Variants in NRG4 observed in about 807,000 individuals in gnomAD.
NRG4 encodes the protein pro-neuregulin-4, membrane-bound isoform.
A neutral mutation model predicts 15.0 loss-of-function variants in NRG4; 10 were observed. That is an observed-to-expected ratio of 0.67 (90% CI 0.41 to 1.13). The LOEUF (loss-of-function observed/expected upper bound fraction) is 1.13, where lower values mean the gene tolerates loss of function less well. Ranked by LOEUF, NRG4 falls within the 50% of genes most tolerant of loss-of-function variation. NRG4 has a pLI of 0.00. For missense variants in NRG4, 139 were observed against 140.2 expected (o/e 0.99, Z 0.04); for synonymous variants, 41 against 50.1 (o/e 0.82, Z 0.77).
Position 75,952,432 on chromosome 15 carries a change from G to A in NRG4, c.331+3500C>T, listed in dbSNP as rs80133534. Among the ~76,000 whole-genome samples, 1,158 of 152,102 alleles carry A rather than the reference G, an allele frequency of 7.6e-3. 13 individuals carry two copies. The highest frequency in any genetic ancestry group is 0.026 in the African/African-American group (1,089 of 41,474). On this transcript the variant is annotated intron_variant, in intron 5 of 5. Coordinates refer to ENST00000394907, the MANE Select transcript of NRG4 (RefSeq NM_138573.4). Reference sequence around the variant, plus strand: ...TACTACTTAATTTCTATTTCCTGCCGAATAATATTCCATAGTAGGAATATA... The same window carrying A: ...TACTACTTAATTTCTATTTCCTGCCAAATAATATTCCATAGTAGGAATATA...
chr15:76,021,191 G>A (rs932699952), intron 5 of NRG4, among the ~76,000 whole-genome samples: 1 of 152,160 alleles, frequency 6.6e-6, no homozygotes, highest in Non-Finnish European at 1.5e-5. Context: ...TGTATAAACA[G>A]AACAACAAAG....
At chr15:75,989,578 G>T (rs565105351) in intron 3 of NRG4, among the ~76,000 whole-genome samples, 1 of 151,480 alleles carries the variant, frequency 6.6e-6, no homozygotes, top group Non-Finnish European at 1.5e-5. Flanking sequence ...TTTATTCTGC[G>T]GTATCTAATT....
chr15:76,054,035 T>A (rs1185725254), intron 2 of NRG4, among the ~76,000 whole-genome samples: 2 of 150,826 alleles, frequency 1.3e-5, no homozygotes, highest in Non-Finnish European at 2.9e-5. Context: ...TGAATACCAT[T>A]CACGTGGTGA....
At chr15:75,970,915 C>T (rs2033062352) in intron 3 of NRG4, among the ~76,000 whole-genome samples, 2 of 152,170 alleles carry the variant, frequency 1.3e-5, no homozygotes, top group Non-Finnish European at 2.9e-5. Context: ...CTGGATTGTT[C>T]TCCAGAGAAA....
chr15:76,041,568 C>CTA (rs2035739562), intron 4 of NRG4, among the ~76,000 whole-genome samples: 1 of 152,022 alleles, frequency 6.6e-6, no homozygotes, highest in Non-Finnish European at 1.5e-5. Context: ...ATGACAAAAA[C>CTA]TTTTAAGAAG....
intron 3 of NRG4, among the ~76,000 whole-genome samples, chr15:75,974,291 T>C (rs1033464291): frequency 2.0e-5 from 3 of 152,220 alleles, no homozygotes; most frequent in African/African-American, 7.2e-5. Context: ...AGTCTATCTA[T>C]TTTGTTAATC....
chr15:75,947,454 A>G (rs1263086748), intron 5 of NRG4, among the ~76,000 whole-genome samples: 1 of 152,140 alleles, frequency 6.6e-6, no homozygotes, highest in Admixed American at 6.5e-5. Flanking sequence ...TGTCCTGTCT[A>G]TTCTGCACCT....
rs143650833 is a variant in NRG4, at chr15:75,988,248, C to T, written c.104+20952G>A. Among the ~76,000 whole-genome samples, 729 of 152,136 alleles carry T rather than the reference C, an allele frequency of 4.8e-3. 12 individuals carry two copies. Among genetic ancestry groups the T allele is most frequent in the African/African-American group, 0.016 (676 of 41,492 alleles). On this transcript the variant is annotated intron_variant, in intron 3 of 5. Transcript: ENST00000394907. The stretch of plus-strand genomic sequence containing the variant: ...TCACCCAGGCTGGAGTGCAGTGGCG[C>T]GATCTCGGCTCACTGCAACCTCCAC...
intron 4 of NRG4, among the ~76,000 whole-genome samples, chr15:75,959,718 C>T (rs1355250173): frequency 6.6e-6 from 1 of 152,060 alleles, no homozygotes; most frequent in Non-Finnish European, 1.5e-5. Flanking sequence ...CCAGGCTGGT[C>T]TCAAACTCCT....
At chr15:75,967,538 TGCAACC>T (rs1414972715) in intron 3 of NRG4, among the ~76,000 whole-genome samples, 1 of 142,446 alleles carries the variant, frequency 7.0e-6, no homozygotes, top group African/African-American at 2.6e-5. Flanking sequence ...CTCAGCTCAC[TGCAACC>T]TCTGCCTTCT....
chr15:76,054,853 C>T (rs2036115637), intron 2 of NRG4, among the ~76,000 whole-genome samples: 1 of 152,134 alleles, frequency 6.6e-6, no homozygotes, highest in African/African-American at 2.4e-5. Flanking sequence ...AACACATATG[C>T]CAATGTACTG....
chr15:76,016,614 C>T (rs2034987822), upstream of NRG4, among the ~76,000 whole-genome samples: 1 of 152,162 alleles, frequency 6.6e-6, no homozygotes, highest in East Asian at 1.9e-4. Context: ...CACTCAAGAG[C>T]AGGTTGTTCA....
At chr15:75,988,631 A>G (rs1033699463) in intron 3 of NRG4, among the ~76,000 whole-genome samples, 1 of 152,156 alleles carries the variant, frequency 6.6e-6, no homozygotes, top group African/African-American at 2.4e-5. Context: ...TTTATATTCT[A>G]CATGTCACAC....
chr15:75,961,291 TC>T (rs2032506348), intron 4 of NRG4, among the ~76,000 whole-genome samples: 1 of 152,024 alleles, frequency 6.6e-6, no homozygotes, highest in African/African-American at 2.4e-5. Context: ...TTTTTTTTTG[TC>T]TCTCTTGTGA....
chr15:75,966,034 A>C (rs1178321854), intron 3 of NRG4, among the ~76,000 whole-genome samples: 1 of 152,234 alleles, frequency 6.6e-6, no homozygotes, highest in African/African-American at 2.4e-5. Flanking sequence ...ATGCTGGAAC[A>C]GGTACAAATA....
chr15:76,058,755 G>GC (rs954782062), intron 1 of NRG4, among the ~76,000 whole-genome samples: 1 of 152,116 alleles, frequency 6.6e-6, no homozygotes, highest in Non-Finnish European at 1.5e-5. Flanking sequence ...GATAAAAATC[G>GC]CAACACCCTA....
chr15:76,008,206 T>A (rs2034678956), intron 3 of NRG4, among the ~76,000 whole-genome samples: 1 of 152,204 alleles, frequency 6.6e-6, no homozygotes, highest in Non-Finnish European at 1.5e-5. Context: ...GTTAAGTAAT[T>A]GTTAATTTGT....
At chr15:75,937,196 T>C (rs1482105016), downstream of NRG4, 1 of 151,392 alleles carries the variant, frequency 6.6e-6, no homozygotes, top group African/African-American at 2.4e-5. Context: ...CAAGCTTTTG[T>C]TTGCCTATCA....
At chr15:75,992,093 A>G (rs1473201114) in intron 3 of NRG4, among the ~76,000 whole-genome samples, 3 of 152,142 alleles carry the variant, frequency 2.0e-5, no homozygotes, top group Admixed American at 6.6e-5. Flanking sequence ...GGTTACTATT[A>G]TATCACTTCA....
Sources: allele counts gnomAD v4.1 joint callset (sites outside exome capture counted in the v4.1 genomes callset), GRCh38; gene constraint gnomAD v4.1.1; transcripts MANE v1.5; gene names NCBI Gene and HGNC (gene_info 2026-07-23, HGNC 2026-07-21).